The following AFG2A variants were observed in gnomAD, a reference collection of about 807,000 sequenced individuals.
The protein encoded by AFG2A is AAA ATPase AFG2A, also known as ATPase family gene 2 protein homolog A.
the AFG2A span, chr4:123,318,545 G>A: frequency 1.3e-5 from 2 of 152,144 alleles, no homozygotes; most frequent in African/African-American, 4.8e-5. Context: ...AGCAGGTCAG[G>A]TGTCACTAAT....
At chr4:123,263,571 T>C in the AFG2A span, among the ~76,000 whole-genome samples, 2 of 147,582 alleles carry the variant, frequency 1.4e-5, no homozygotes, top group Non-Finnish European at 3.0e-5. Context: ...TAAAGATGTC[T>C]TTTGTAGAAG....
At chr4:122,964,787 A>G in the AFG2A span, among the ~76,000 whole-genome samples, 3 of 152,344 alleles carry the variant, frequency 2.0e-5, no homozygotes, top group East Asian at 5.8e-4. Flanking sequence ...GCAGTCACTT[A>G]TAATATAAAT....
the AFG2A span, among the ~76,000 whole-genome samples, chr4:123,191,454 A>G: frequency 6.6e-6 from 1 of 152,110 alleles, no homozygotes; most frequent in East Asian, 1.9e-4. Context: ...TGCTCCAGAA[A>G]AGGAACCTGT....
the AFG2A span, among the ~76,000 whole-genome samples, chr4:123,208,549 C>T: frequency 6.6e-6 from 1 of 152,084 alleles, no homozygotes; most frequent in African/African-American, 2.4e-5. Context: ...AATATGAGAC[C>T]AAATTTTTAT....
At chr4:123,270,321 A>G in the AFG2A span, among the ~76,000 whole-genome samples, 1 of 152,228 alleles carries the variant, frequency 6.6e-6, no homozygotes, top group African/African-American at 2.4e-5. Context: ...GAGCATGACA[A>G]TAACTATTTA....
At chr4:123,237,428 T>C in the AFG2A span, among the ~76,000 whole-genome samples, 3 of 151,708 alleles carry the variant, frequency 2.0e-5, no homozygotes, top group Non-Finnish European at 3.0e-5. Flanking sequence ...ATCCCAGCAC[T>C]TTGGGAGGAG....
At chr4:123,119,823 G>A in the AFG2A span, among the ~76,000 whole-genome samples, 1 of 152,146 alleles carries the variant, frequency 6.6e-6, no homozygotes, top group Non-Finnish European at 1.5e-5. Flanking sequence ...AAGGAAAGAG[G>A]TTTAATTGAC....
the AFG2A span, among the ~76,000 whole-genome samples, chr4:123,167,224 T>TA: frequency 6.7e-6 from 1 of 148,628 alleles, no homozygotes; most frequent in Admixed American, 6.8e-5. Flanking sequence ...TATATATACT[T>TA]ACATATAGAT....
At chr4:123,166,670 A>T in the AFG2A span, among the ~76,000 whole-genome samples, 1 of 152,216 alleles carries the variant, frequency 6.6e-6, no homozygotes, top group Non-Finnish European at 1.5e-5. Context: ...AATAGTCATG[A>T]TGAACCAGCA....
the AFG2A span, chr4:122,934,452 A>G: frequency 1.9e-6 from 3 of 1,614,116 alleles, no homozygotes; most frequent in Non-Finnish European, 2.5e-6. Context: ...AGGAAGTCAC[A>G]GGTCTTAAAT....
chr4:123,017,360 T>G, the AFG2A span, among the ~76,000 whole-genome samples: 1 of 132,566 alleles, frequency 7.5e-6, no homozygotes, highest in African/African-American at 3.0e-5. Flanking sequence ...TTTTGACTTC[T>G]TTTTTTTTTT....
chr4:123,114,334 C>T, the AFG2A span, among the ~76,000 whole-genome samples: 27 of 152,302 alleles, frequency 1.8e-4, no homozygotes, highest in Middle Eastern at 0.01. Context: ...ACCTGCCCTG[C>T]CCCTTCCCAC....
the AFG2A span, among the ~76,000 whole-genome samples, chr4:123,159,293 C>G: frequency 1.5e-4 from 23 of 152,252 alleles, no homozygotes; most frequent in African/African-American, 5.3e-4. Flanking sequence ...AGATGTTGCT[C>G]TGAAAGTCAT....
At chr4:123,104,944 T>C in the AFG2A span, among the ~76,000 whole-genome samples, 1 of 152,236 alleles carries the variant, frequency 6.6e-6, no homozygotes, top group East Asian at 1.9e-4. Context: ...TAGCCAGTTA[T>C]ACAGAAAATC....
the AFG2A span, chr4:123,056,509 T>C: frequency 7.3e-7 from 1 of 1,372,064 alleles, no homozygotes; most frequent in Non-Finnish European, 9.8e-7. Flanking sequence ...CAGCTTCCCT[T>C]TTGTTTTAGG....
At chr4:123,061,233 A>C in the AFG2A span, among the ~76,000 whole-genome samples, 5 of 151,920 alleles carry the variant, frequency 3.3e-5, no homozygotes, top group African/African-American at 1.2e-4. Flanking sequence ...AACTGTACCA[A>C]CCTTCACCTG....
the AFG2A span, among the ~76,000 whole-genome samples, chr4:123,007,641 CAA>C: frequency 6.2e-5 from 1 of 16,208 alleles, no homozygotes; most frequent in Non-Finnish European, 1.5e-4. Context: ...CACACACACA[CAA>C]CACACACACA....
At chr4:123,317,986 T>A in the AFG2A span, 1 of 152,122 alleles carries the variant, frequency 6.6e-6, no homozygotes. Context: ...TATCTTAGGG[T>A]GGGTGATGGG....
At chr4:123,281,173 C>T in the AFG2A span, among the ~76,000 whole-genome samples, 1 of 151,888 alleles carries the variant, frequency 6.6e-6, no homozygotes, top group African/African-American at 2.4e-5. Flanking sequence ...AATTTTTGAA[C>T]TATTTTGTGG....
Sources: allele counts gnomAD v4.1 joint callset (sites outside exome capture counted in the v4.1 genomes callset), GRCh38; gene constraint gnomAD v4.1.1; transcripts MANE v1.5; gene names NCBI Gene and HGNC (gene_info 2026-07-23, HGNC 2026-07-21).